Variants in INPP5A observed in about 807,000 individuals in gnomAD.
INPP5A encodes the protein inositol polyphosphate-5-phosphatase A.
In INPP5A, 14 loss-of-function variants were observed where a neutral mutation model predicts 65.2. The ratio of observed to expected loss-of-function variants is 0.21; its 90% CI spans 0.14 to 0.34. The LOEUF is 0.34. INPP5A is among the 10% of genes least tolerant of loss of function. The probability of loss-of-function intolerance (pLI) is 1.00; values close to 1 mark genes in which losing one functional copy is unlikely to be tolerated. For synonymous variants in INPP5A, 207 were observed against 208.3 expected (o/e 0.99, Z 0.05); for missense variants, 431 against 545.6 (o/e 0.79, Z 2.09).
At chr10:132,718,815 T>C (rs926561816) in intron 8 of INPP5A, among the ~76,000 whole-genome samples, 1 of 148,580 alleles carries the variant, frequency 6.7e-6, no homozygotes, top group South Asian at 2.2e-4. Context: ...GACAGCTGTC[T>C]TGCGGGTTCT....
intron 4 of INPP5A, among the ~76,000 whole-genome samples, chr10:132,682,903 G>A (rs887478878): frequency 2.6e-5 from 4 of 151,952 alleles, no homozygotes; most frequent in Admixed American, 6.5e-5. Flanking sequence ...GTGTACACAT[G>A]TGTGTGATCC....
intron 3 of INPP5A, among the ~76,000 whole-genome samples, chr10:132,649,364 G>A (rs192291915): frequency 2.6e-5 from 4 of 152,314 alleles, no homozygotes; most frequent in Admixed American, 2.6e-4. Flanking sequence ...TTCTGTTGAC[G>A]GCTTCTTCGT....
intron 2 of INPP5A, among the ~76,000 whole-genome samples, chr10:132,641,525 C>T (rs758275604): frequency 1.3e-5 from 2 of 152,200 alleles, no homozygotes; most frequent in Non-Finnish European, 2.9e-5. Context: ...TGGAGTGAGA[C>T]GACCCCGTGC....
In INPP5A at chr10:132,756,760, G is replaced by A. The variant is rs188891168; in HGVS notation, c.903+6915G>A. 2.0e-3 allele frequency among the ~76,000 whole-genome samples: 303 copies of A among 152,376 alleles called. 2 individuals carry two copies. The highest frequency in any genetic ancestry group is 9.1e-4 in the Non-Finnish European group (62 of 68,036). The stretch of plus-strand genomic sequence containing the variant: ...AGGTACCTGTAAACAGCCTCAGGCA[G>A]GTCCTTCAGGCAGGTCCACGGAGAA... On this transcript the variant is annotated intron_variant, in intron 11 of 15. Transcript: ENST00000368594.
At chr10:132,720,935 G>C (rs1445039115) in intron 8 of INPP5A, among the ~76,000 whole-genome samples, 1 of 145,344 alleles carries the variant, frequency 6.9e-6, no homozygotes, top group African/African-American at 2.6e-5. Context: ...GTGGTGCCTG[G>C]GTTCTGTCTG....
At chr10:132,699,618 G>T (rs904499959) in intron 6 of INPP5A, among the ~76,000 whole-genome samples, 10 of 152,192 alleles carry the variant, frequency 6.6e-5, no homozygotes, top group African/African-American at 1.9e-4. Flanking sequence ...GAGCCCCATA[G>T]CTCTTGGGGG....
intron 9 of INPP5A, among the ~76,000 whole-genome samples, chr10:132,729,127 A>T (rs1218358081): frequency 6.6e-6 from 1 of 152,114 alleles, no homozygotes; most frequent in Non-Finnish European, 1.5e-5. Flanking sequence ...GGCAACTCCT[A>T]TGAAGGACTG....
intron 1 of INPP5A, among the ~76,000 whole-genome samples, chr10:132,601,274 T>C (rs183516674): frequency 5.9e-5 from 9 of 152,388 alleles, no homozygotes; most frequent in Non-Finnish European, 1.2e-4. Context: ...CATCCTTTCA[T>C]GTGCACGTTG....
chr10:132,658,533 GGCTCCGT>G, intron 4 of INPP5A, among the ~76,000 whole-genome samples: 1 of 152,250 alleles, frequency 6.6e-6, no homozygotes, highest in South Asian at 2.1e-4. Flanking sequence ...TTTCATGGTC[GGCTCCGT>G]GCGTTCTGAG....
In INPP5A at chr10:132,659,978, C is replaced by T. The variant is rs2072714404; in HGVS notation, c.306+9473C>T. On this transcript the variant is annotated intron_variant, in intron 4 of 15. Transcript: ENST00000368594. This position sits in a 1 kb window ranked among gnomAD's most constrained non-coding sequence, Gnocchi z 5.5. ...ATACTCCCTGTGACATGGCACATGACACGTGACACAACACATTCTCATGCT... is the reference window on the plus strand; with the variant it reads ...ATACTCCCTGTGACATGGCACATGATACGTGACACAACACATTCTCATGCT... 6.6e-6 allele frequency among the ~76,000 whole-genome samples: 1 copy of T among 152,268 alleles called. No individual in the cohort carries two copies. The highest frequency in any genetic ancestry group is 1.5e-5 in the Non-Finnish European group (1 of 68,048).
intron 4 of INPP5A, among the ~76,000 whole-genome samples, chr10:132,687,678 G>A (rs957290414): frequency 6.6e-6 from 1 of 152,216 alleles, no homozygotes; most frequent in African/African-American, 2.4e-5. Context: ...GAGGCCCATG[G>A]TTACCCTGCA....
chr10:132,573,957 G>A (rs1288935957), intron 1 of INPP5A, among the ~76,000 whole-genome samples: 1 of 137,154 alleles, frequency 7.3e-6, no homozygotes, highest in African/African-American at 2.9e-5. Context: ...TGTGTGTGCC[G>A]TGTGAGGTTT....
At position 132,538,087 on chromosome 10, in the gene INPP5A, C is replaced by G; in HGVS notation, c.-10C>G. On this transcript the variant is annotated 5_prime_UTR_variant, in exon 1 of 16. Transcript: ENST00000368594. This position sits in a 1 kb window ranked among gnomAD's most constrained non-coding sequence, Gnocchi z 4.1. ...GCCGCCCAGCCCAGCGCCCGCGCCG[C>G]CCGGGCACCATGGCGGGGAAGGCGG... The G allele has an allele frequency of 8.5e-7, 1 of 1,176,860 alleles. No homozygotes were observed. The highest frequency in any genetic ancestry group is 1.1e-6 in the Non-Finnish European group (1 of 951,992). 72.9% of individuals were successfully genotyped at this position (1,176,860 alleles called of 1,614,324 possible).
At chr10:132,629,290 C>A (rs571247991) in intron 2 of INPP5A, among the ~76,000 whole-genome samples, 1 of 152,188 alleles carries the variant, frequency 6.6e-6, no homozygotes, top group Non-Finnish European at 1.5e-5. Context: ...ACAGACTCCA[C>A]GTGAGGGAAC....
At chr10:132,657,368 CCAGGGGCTCTGGCCTCCTGCAGAG>C (rs1327958646) in intron 4 of INPP5A, among the ~76,000 whole-genome samples, 2 of 152,252 alleles carry the variant, frequency 1.3e-5, no homozygotes, top group Non-Finnish European at 2.9e-5. Flanking sequence ...CTAGGCTTTT[CCAGGGGCTCTGGCCTCCTGCAGAG>C]CAGGGTCTGC....
chr10:132,556,995 C>CTT (rs2071135227), intron 1 of INPP5A, among the ~76,000 whole-genome samples: 3 of 152,296 alleles, frequency 2.0e-5, no homozygotes, highest in African/African-American at 7.2e-5. Context: ...TTCTGTGGCA[C>CTT]TCTTGGCTGA....
At chr10:132,564,241 C>G (rs910221648) in intron 1 of INPP5A, among the ~76,000 whole-genome samples, 3 of 152,066 alleles carry the variant, frequency 2.0e-5, no homozygotes, top group African/African-American at 7.2e-5. Flanking sequence ...ATGATTGGTC[C>G]CTGGGGTGAC....
intron 12 of INPP5A, among the ~76,000 whole-genome samples, chr10:132,777,326 C>T (rs1847081523): frequency 6.6e-6 from 1 of 152,234 alleles, no homozygotes; most frequent in Non-Finnish European, 1.5e-5. Context: ...GACCAGATGA[C>T]ACTGGCTGCC....
intron 2 of INPP5A, among the ~76,000 whole-genome samples, chr10:132,631,845 G>A (rs1437801871): frequency 6.6e-6 from 1 of 152,258 alleles, no homozygotes; most frequent in Non-Finnish European, 1.5e-5. Context: ...CAACCCATGT[G>A]GTTTTATTGA....
Sources: gnomAD v4.1 joint callset for allele counts (sites outside exome capture counted in the v4.1 genomes callset) on GRCh38, gnomAD v4.1.1 for gene constraint, Gnocchi (gnomAD v3.1) non-coding constraint, MANE v1.5 for transcripts, NCBI Gene and HGNC (gene_info 2026-07-23, HGNC 2026-07-21) for gene names.